LHFPL5: variants seen among roughly 807,000 people sequenced by gnomAD.
The protein encoded by LHFPL5 is LHFPL tetraspan subfamily member 5 protein.
A neutral mutation model predicts 18.7 loss-of-function variants in LHFPL5; 12 were observed. The ratio of observed to expected loss-of-function variants is 0.64; its 90% confidence interval spans 0.41 to 1.04. The LOEUF (loss-of-function observed/expected upper bound fraction) is 1.04. LHFPL5 is among the 50% of genes least tolerant of loss of function. LHFPL5 has a pLI of 0.00. For missense variants in LHFPL5, 259 were observed against 292.1 expected (o/e 0.89, Z 0.83); for synonymous variants, 111 against 120.2 (o/e 0.92, Z 0.50).
Position 35,814,684 on chromosome 6 carries a change from T to A in LHFPL5, c.551T>A (p.Leu184His), listed in dbSNP as rs767971303. Reference protein sequence around the residue: ...TIRWAFMLAILSIGDALILSF... With the variant: ...TIRWAFMLAIHSIGDALILSF... ...CGCTGGGCCTTCATGCTGGCCATCC[T>A]CAGCATTGGCGACGCCCTCATCCTC... The change falls in exon 2 of 4, where the codon CTC becomes CAC. Residue 184 changes from leucine to histidine, a missense_variant. Leu to His is a moderately conservative substitution (Grantham distance 99, BLOSUM62 -3). Coordinates refer to ENST00000360215, the MANE Select transcript of LHFPL5 (RefSeq NM_182548.4). The surrounding 1 kb of genome is among the most constrained non-coding windows in gnomAD (Gnocchi z 4.2). The A allele has an allele frequency of 6.2e-7, 1 of 1,614,176 alleles. No individual in the cohort carries two copies. Among genetic ancestry groups the A allele is most frequent in the East Asian group, 2.2e-5 (1 of 44,876 alleles).
intron 2 of LHFPL5, among the ~76,000 whole-genome samples, chr6:35,818,148 T>C: frequency 6.6e-6 from 1 of 151,984 alleles, no homozygotes; most frequent in East Asian, 1.9e-4. Flanking sequence ...TCAATTTCTA[T>C]AAAATATTCA....
At chr6:35,815,974 A>G (rs2151071123) in intron 2 of LHFPL5, among the ~76,000 whole-genome samples, 1 of 152,310 alleles carries the variant, frequency 6.6e-6, no homozygotes, top group African/African-American at 2.4e-5. Context: ...GATCAAGACC[A>G]TCCTGGCCAA....
rs1442700040 is a variant in LHFPL5, at chr6:35,823,739, C to T, written c.*774C>T. On this transcript the variant is annotated 3_prime_UTR_variant, in exon 4 of 4. Coordinates refer to ENST00000360215, the MANE Select transcript of LHFPL5 (RefSeq NM_182548.4). Reference sequence around the variant, plus strand: ...TCTAAAATCTCTGCAGACTTTTTTCCTCCCGGGAGCCAAATATCACATTTC... The same window carrying T: ...TCTAAAATCTCTGCAGACTTTTTTCTTCCCGGGAGCCAAATATCACATTTC... 6.6e-6 allele frequency: 1 copy of T among 152,074 alleles called. No homozygotes were observed. The highest frequency in any genetic ancestry group is 2.1e-4 in the South Asian group (1 of 4,822). The allele number at this position is 152,074 out of a possible 1,614,324, so 9.4% of individuals were successfully genotyped here. A position where few individuals can be genotyped will look rare whatever the true frequency, so the allele number is the denominator to read the frequency against.
At chr6:35,806,270 C>A (rs964430493) in intron 1 of LHFPL5, among the ~76,000 whole-genome samples, 188 bp downstream of exon 1, 1 of 152,144 alleles carries the variant, frequency 6.6e-6, no homozygotes, top group African/African-American at 2.4e-5. Context: ...GCAGAAAAGA[C>A]CTTAGAGACC....
rs2151073081 is a variant in LHFPL5 at position 35,823,496 on chromosome 6, C to G, written c.*531C>G. 1 of 152,382 alleles carries G rather than the reference C, an allele frequency of 6.6e-6. No individual in the cohort carries two copies. The highest frequency in any genetic ancestry group is 2.1e-4 in the South Asian group (1 of 4,812). The allele number at this position is 152,382 out of a possible 1,614,324, so 9.4% of individuals were successfully genotyped here. A position where few individuals can be genotyped will look rare whatever the true frequency, so the allele number is the denominator to read the frequency against. On this transcript the variant is annotated 3_prime_UTR_variant, in exon 4 of 4. Transcript: ENST00000360215. ...ACACACACTCTCTCTCTCTCTCAAA[C>G]ACACACAAATGCCCAACCAGCTCTA...
chr6:35,808,735 C>T (rs529034709), intron 1 of LHFPL5, among the ~76,000 whole-genome samples: 1 of 151,870 alleles, frequency 6.6e-6, no homozygotes, highest in East Asian at 1.9e-4. Flanking sequence ...CTCTCTCATT[C>T]TCAGGGCTGT....
At chr6:35,809,495 A>C (rs1177720411) in intron 1 of LHFPL5, among the ~76,000 whole-genome samples, 1 of 152,018 alleles carries the variant, frequency 6.6e-6, no homozygotes. Flanking sequence ...ATTTATTTGC[A>C]TTGATGATTA....
chr6:35,823,108 TAAAA>T lies in LHFPL5; in HGVS notation c.*144_*147del, dbSNP rs1208187903. 2 of 152,044 alleles carry T rather than the reference TAAAA, an allele frequency of 1.3e-5. No individual in the cohort carries two copies. Among genetic ancestry groups the T allele is most frequent in the Non-Finnish European group, 2.9e-5 (2 of 68,012 alleles). 9.4% of individuals were successfully genotyped at this position (152,044 alleles called of 1,614,324 possible). ...AGCCTGAAGCCTTTTATTATAACAC[TAAAA>T]CTGGACAGTCTCCTGAGACAAGACC... On this transcript the variant is annotated 3_prime_UTR_variant, in exon 4 of 4. Coordinates refer to ENST00000360215, the MANE Select transcript of LHFPL5 (RefSeq NM_182548.4).
chr6:35,805,475 GC>G lies in LHFPL5; in HGVS notation c.-195del. On this transcript the variant is annotated 5_prime_UTR_variant, in exon 1 of 4. Coordinates refer to ENST00000360215, the MANE Select transcript of LHFPL5 (RefSeq NM_182548.4). The surrounding 1 kb of genome is among the most constrained non-coding windows in gnomAD (Gnocchi z 4.3). ...TAGAGCGGACACAGGCACCTGGCAAGCTTTCCTTGACCAAATCAAGGTTGTC... is the reference window on the plus strand; with the variant it reads ...TAGAGCGGACACAGGCACCTGGCAAGTTTCCTTGACCAAATCAAGGTTGTC... 1 of 609,536 alleles carries G rather than the reference GC, an allele frequency of 1.6e-6. No homozygotes were observed. The highest frequency in any genetic ancestry group is 1.9e-5 in the South Asian group (1 of 51,792). 37.8% of individuals were successfully genotyped at this position (609,536 alleles called of 1,614,324 possible).
At chr6:35,816,726 G>C (rs1768769852) in intron 2 of LHFPL5, among the ~76,000 whole-genome samples, 1 of 150,326 alleles carries the variant, frequency 6.7e-6, no homozygotes, top group South Asian at 2.1e-4. Flanking sequence ...GCAGGAGAAT[G>C]GCATAAACCC....
At chr6:35,818,618 G>A (rs1768813624) in intron 2 of LHFPL5, among the ~76,000 whole-genome samples, 1 of 151,338 alleles carries the variant, frequency 6.6e-6, no homozygotes, top group African/African-American at 2.4e-5. Flanking sequence ...CCAAAGTGTT[G>A]GGATTATAGG....
rs768424661 is a variant in LHFPL5, at chr6:35,806,105, C to T, written c.412+23C>T. ...CGGGTAAGCAGAGATGGTGGGAGGG[C>T]AGGCAGGGGCCCACCCCGGGGCCAC... On this transcript the variant is annotated intron_variant, in intron 1 of 3. Transcript: ENST00000360215. 4 of 1,611,228 alleles carry T rather than the reference C, an allele frequency of 2.5e-6. No homozygotes were observed. The South Asian group carries it at 3.3e-5, about 13-fold the overall frequency.
intron 3 of LHFPL5, among the ~76,000 whole-genome samples, chr6:35,821,074 C>T (rs1169316388): frequency 6.6e-6 from 1 of 152,118 alleles, no homozygotes; most frequent in Admixed American, 6.6e-5. Flanking sequence ...GAGACTGAGG[C>T]AGGCAGATCA....
chr6:35,823,634 G>C lies in LHFPL5; in HGVS notation c.*669G>C, dbSNP rs374511775. 3.0e-4 allele frequency: 45 copies of C among 151,722 alleles called. No homozygotes were observed. Among genetic ancestry groups the C allele is most frequent in the African/African-American group, 9.7e-4 (40 of 41,338 alleles). The allele number at this position is 151,722 out of a possible 1,614,324, so 9.4% of individuals were successfully genotyped here. A position where few individuals can be genotyped will look rare whatever the true frequency, so the allele number is the denominator to read the frequency against. On this transcript the variant is annotated 3_prime_UTR_variant, in exon 4 of 4. Coordinates refer to ENST00000360215, the MANE Select transcript of LHFPL5 (RefSeq NM_182548.4). ...TTGTTTTCTTATTGCTGCTCAGAGG[G>C]GGGTAAGGAATGGAGGGGCCATCAG...
intron 3 of LHFPL5, among the ~76,000 whole-genome samples, chr6:35,821,360 G>A (rs1022695409): frequency 5.9e-5 from 9 of 151,524 alleles, no homozygotes; most frequent in African/African-American, 9.7e-5. Context: ...GTCTGGGGCC[G>A]TAGACCCTGC....
Position 35,814,511 on chromosome 6 carries a change from G to A in LHFPL5, c.413-35G>A, listed in dbSNP as rs185705379. 18 of 1,524,482 alleles carry A rather than the reference G, an allele frequency of 1.2e-5. No homozygotes were observed. The African/African-American group carries it at 1.9e-4, about 16-fold the overall frequency. The allele number at this position is 1,524,482 out of a possible 1,614,324, so 94.4% of individuals were successfully genotyped here. On this transcript the variant is annotated intron_variant, in intron 1 of 3. Transcript: ENST00000360215. This position sits in a 1 kb window ranked among gnomAD's most constrained non-coding sequence, Gnocchi z 4.2. ...GGAGGTAGCGGGCTAGGCACACTCG[G>A]CCTGATGCCATGTGCACCCCTCCTT... is the stretch of plus-strand genomic sequence containing the variant.
chr6:35,806,952 G>C (rs1212010844), intron 1 of LHFPL5, among the ~76,000 whole-genome samples: 1 of 152,140 alleles, frequency 6.6e-6, no homozygotes, highest in Non-Finnish European at 1.5e-5. Context: ...AGCCTCCCAA[G>C]TAGCTGGGAC....
chr6:35,818,351 A>ATTTT (rs766409391), intron 2 of LHFPL5, among the ~76,000 whole-genome samples: 2 of 106,924 alleles, frequency 1.9e-5, no homozygotes, highest in African/African-American at 7.6e-5. Flanking sequence ...ATATATATGT[A>ATTTT]TTTTTTTTTT....
At chr6:35,822,879 G>A (rs753689770) in intron 3 of LHFPL5, 103 bp from the exon 4 acceptor site, 6 of 152,132 alleles carry the variant, frequency 3.9e-5, no homozygotes, top group Non-Finnish European at 7.3e-5. Flanking sequence ...CAAAGTGCTG[G>A]GATTACAGGC....
Sources: gnomAD v4.1 joint callset for allele counts (sites outside exome capture counted in the v4.1 genomes callset) on GRCh38, gnomAD v4.1.1 for gene constraint, Gnocchi (gnomAD v3.1) non-coding constraint, MANE v1.5 for transcripts, NCBI Gene and HGNC (gene_info 2026-07-23, HGNC 2026-07-21) for gene names.